The following CNBD1 variants were observed in gnomAD, a reference collection of about 807,000 sequenced individuals.
The protein encoded by CNBD1 is cyclic nucleotide-binding domain-containing protein 1.
CNBD1 carries 71 observed loss-of-function variants against 54.4 expected under a neutral mutation model. That is an observed-to-expected ratio of 1.30 (90% confidence interval 1.08 to 1.59). The LOEUF (loss-of-function observed/expected upper bound fraction) is 1.59. Ranked by LOEUF, CNBD1 falls within the 40% of genes most tolerant of loss-of-function variation. The pLI is 0.00. For synonymous variants in CNBD1, 182 were observed against 170.7 expected, an observed-to-expected ratio of 1.07 and a Z score of -0.51; for missense variants, 659 against 518.0, an observed-to-expected ratio of 1.27 and a Z score of -2.64.
chr8:87,058,763 G>A (rs1307969281), intron 4 of CNBD1, among the ~76,000 whole-genome samples: 1 of 152,166 alleles, frequency 6.6e-6, no homozygotes, highest in Admixed American at 6.6e-5. Context: ...TCCTTCCTGG[G>A]TCTGTGATGG....
chr8:87,279,995 G>T (rs776307139), intron 6 of CNBD1, among the ~76,000 whole-genome samples: 1 of 151,378 alleles, frequency 6.6e-6, no homozygotes, highest in Admixed American at 6.6e-5. Flanking sequence ...TAATTGAAAA[G>T]GTGATCCTCT....
intron 10 of CNBD1, among the ~76,000 whole-genome samples, chr8:87,368,899 C>T (rs1369776617): frequency 2.0e-5 from 3 of 151,818 alleles, no homozygotes; most frequent in Non-Finnish European, 2.9e-5. Context: ...GGCCCGCTTC[C>T]AAATGTCAGA....
chr8:87,222,057 A>C (rs2130809753), intron 5 of CNBD1, among the ~76,000 whole-genome samples: 1 of 152,212 alleles, frequency 6.6e-6, no homozygotes, highest in South Asian at 2.1e-4. Flanking sequence ...TTATCTCTGC[A>C]ATCATTTAGA....
rs144219020 is a variant in CNBD1, at chr8:86,888,084, G to A, written c.158+473G>A. On this transcript the variant is annotated intron_variant, in intron 2 of 10. Coordinates refer to ENST00000518476, the MANE Select transcript of CNBD1 (RefSeq NM_173538.3). ...TTGACAACTCCTTTCTCCAAGTTGGGTTTTTGGAATTATAAAACTGGTTAT... is the reference window on the plus strand; with the variant it reads ...TTGACAACTCCTTTCTCCAAGTTGGATTTTTGGAATTATAAAACTGGTTAT... 7.7e-3 allele frequency among the ~76,000 whole-genome samples: 1,167 copies of A among 152,156 alleles called. 13 individuals carry two copies. The highest frequency in any genetic ancestry group is 0.026 in the African/African-American group (1,083 of 41,524).
chr8:87,249,933 T>C (rs886511495), intron 6 of CNBD1, among the ~76,000 whole-genome samples: 1 of 152,070 alleles, frequency 6.6e-6, no homozygotes, highest in African/African-American at 2.4e-5. Context: ...TCTTGAGTAA[T>C]ACCCCAAAAG....
rs866728208 is a variant in CNBD1, at chr8:87,330,866, G to A, written c.1043-20819G>A. 5.4e-4 allele frequency among the ~76,000 whole-genome samples: 82 copies of A among 152,150 alleles called. 2 individuals carry two copies. Among genetic ancestry groups the A allele is most frequent in the South Asian group, 1.5e-3 (7 of 4,820 alleles). On this transcript the variant is annotated intron_variant, in intron 8 of 10. Transcript: ENST00000518476. ...ACTGTGAAATACATATATATAAAAT[G>A]TACATAATAGATTAATATTAGATAT... is the stretch of plus-strand genomic sequence containing the variant.
chr8:87,089,965 A>T (rs1009048993), intron 4 of CNBD1, among the ~76,000 whole-genome samples: 15 of 152,014 alleles, frequency 9.9e-5, no homozygotes, highest in African/African-American at 3.6e-4. Context: ...CAATATTTCT[A>T]TTTCTCCTAT....
At chr8:87,427,033 T>C (rs1232861776) in intron 2 of CNBD1, among the ~76,000 whole-genome samples, 1 of 152,186 alleles carries the variant, frequency 6.6e-6, no homozygotes, top group East Asian at 1.9e-4. Context: ...TTAGGTGTTA[T>C]ACAAGATGAG....
At chr8:87,101,188 A>G (rs1201778640) in intron 4 of CNBD1, among the ~76,000 whole-genome samples, 1 of 152,230 alleles carries the variant, frequency 6.6e-6, no homozygotes, top group Non-Finnish European at 1.5e-5. Flanking sequence ...ACTTAATAAA[A>G]ATATCAGTCA....
At chr8:87,267,084 G>A (rs1808273825) in intron 6 of CNBD1, among the ~76,000 whole-genome samples, 1 of 152,120 alleles carries the variant, frequency 6.6e-6, no homozygotes, top group Admixed American at 6.6e-5. Flanking sequence ...GGCACACACT[G>A]AGTGAAGATA....
chr8:87,156,498 C>A (rs1812745816), intron 4 of CNBD1, among the ~76,000 whole-genome samples: 1 of 151,608 alleles, frequency 6.6e-6, no homozygotes, highest in Non-Finnish European at 1.5e-5. Flanking sequence ...CCCACCTTGG[C>A]CTCCCAAAAT....
Position 87,284,845 on chromosome 8 carries a change from C to T in CNBD1, c.909+30C>T, listed in dbSNP as rs1341258717. 9 of 1,467,428 alleles carry T rather than the reference C, an allele frequency of 6.1e-6. No individual in the cohort carries two copies. The Admixed American group carries it at 1.6e-4, about 26-fold the overall frequency. 90.9% of individuals were successfully genotyped at this position (1,467,428 alleles called of 1,614,324 possible). On this transcript the variant is annotated intron_variant, in intron 7 of 10. Coordinates refer to ENST00000518476, the MANE Select transcript of CNBD1 (RefSeq NM_173538.3). Reference sequence around the variant, plus strand: ...GATGATATCTAATATTTTATATAAACAAAAATTGGGCATAAACTCAAGCTA... The same window carrying T: ...GATGATATCTAATATTTTATATAAATAAAAATTGGGCATAAACTCAAGCTA...
chr8:87,129,078 A>AAAAAAAAAAAAAAC (rs1812062104), intron 4 of CNBD1, among the ~76,000 whole-genome samples: 1 of 142,454 alleles, frequency 7.0e-6, no homozygotes, highest in Non-Finnish European at 1.5e-5. Flanking sequence ...TCAAAAAAAA[A>AAAAAAAAAAAAAAC]AAAAAAAAAA....
chr8:87,154,467 T>A (rs1167990140), intron 4 of CNBD1, among the ~76,000 whole-genome samples: 5 of 152,176 alleles, frequency 3.3e-5, no homozygotes, highest in Admixed American at 2.6e-4. Flanking sequence ...TGTTCAGAAC[T>A]GCAAGGGGAA....
At chr8:87,043,601 G>A (rs138852609) in intron 4 of CNBD1, among the ~76,000 whole-genome samples, 12 of 152,246 alleles carry the variant, frequency 7.9e-5, no homozygotes, top group Non-Finnish European at 1.5e-4. Context: ...CCTCAGCTGC[G>A]TGGGAAACAG....
intron 2 of CNBD1, among the ~76,000 whole-genome samples, chr8:87,401,785 A>T (rs1460722496): frequency 6.6e-6 from 1 of 152,078 alleles, no homozygotes; most frequent in African/African-American, 2.4e-5. Flanking sequence ...ATACATAAAT[A>T]TTGAGTTCCT....
intron 4 of CNBD1, among the ~76,000 whole-genome samples, chr8:87,189,072 G>A (rs537146541): frequency 1.5e-4 from 23 of 152,044 alleles, no homozygotes; most frequent in Admixed American, 1.5e-3. Flanking sequence ...TACAAAAGAT[G>A]TAGAAAACCT....
intron 4 of CNBD1, among the ~76,000 whole-genome samples, chr8:86,942,900 A>C (rs1196418602): frequency 1.3e-5 from 2 of 152,212 alleles, no homozygotes; most frequent in Non-Finnish European, 2.9e-5. Context: ...TTATTGATGG[A>C]TAAGTTGTCA....
intron 2 of CNBD1, among the ~76,000 whole-genome samples, chr8:87,406,303 A>G (rs1316285024): frequency 1.3e-5 from 2 of 152,056 alleles, no homozygotes; most frequent in Non-Finnish European, 2.9e-5. Flanking sequence ...AAAATACCTA[A>G]TAGAAAAAAG....
Sources: gnomAD v4.1 joint callset for allele counts (sites outside exome capture counted in the v4.1 genomes callset) on GRCh38, gnomAD v4.1.1 for gene constraint, MANE v1.5 for transcripts, NCBI Gene and HGNC (gene_info 2026-07-23, HGNC 2026-07-21) for gene names.